Variants in RORA observed in about 807,000 individuals in gnomAD.
The protein encoded by RORA is RAR related orphan receptor A.
Under a neutral mutation model 69.5 loss-of-function variants are expected in RORA, and 7 were observed. The ratio of observed to expected loss-of-function variants is 0.10; its 90% CI spans 0.06 to 0.19. The LOEUF is 0.19. Ranked by LOEUF, RORA falls within the 10% of genes least tolerant of loss-of-function variation. The pLI is 1.00. For synonymous variants in RORA, 261 were observed against 240.8 expected (o/e 1.08, Z -0.78); for missense variants, 457 against 663.0 (o/e 0.69, Z 3.41).
chr15:60,675,313 T>C (rs2070536808), intron 2 of RORA, among the ~76,000 whole-genome samples: 2 of 152,194 alleles, frequency 1.3e-5, no homozygotes, highest in African/African-American at 4.8e-5. Flanking sequence ...CAAAGCAATC[T>C]TGAAGGGGTC....
intron 1 of RORA, among the ~76,000 whole-genome samples, chr15:60,914,937 T>G (rs1355154393): frequency 1.3e-5 from 2 of 152,148 alleles, no homozygotes; most frequent in African/African-American, 4.8e-5. Flanking sequence ...TATTGGGTAT[T>G]GGGCCAAATG....
intron 1 of RORA, among the ~76,000 whole-genome samples, chr15:60,769,810 C>T (rs1441853689): frequency 1.3e-5 from 2 of 152,264 alleles, no homozygotes; most frequent in East Asian, 1.9e-4. Flanking sequence ...CACCCATTGT[C>T]CCCCTCCAAT....
At chr15:61,034,238 CT>C (rs904189751) in intron 1 of RORA, among the ~76,000 whole-genome samples, 1 of 151,830 alleles carries the variant, frequency 6.6e-6, no homozygotes, top group African/African-American at 2.4e-5. Flanking sequence ...TGGACTGAAA[CT>C]AAGGGGGAAA....
intron 2 of RORA, chr15:60,592,969 G>A: frequency 2.2e-6 from 1 of 454,806 alleles, no homozygotes; most frequent in Non-Finnish European, 4.4e-6. Context: ...CTCGTTGGTG[G>A]AAAAGACAGG....
At chr15:60,711,721 A>G (rs1029494951) in intron 1 of RORA, among the ~76,000 whole-genome samples, 1 of 152,172 alleles carries the variant, frequency 6.6e-6, no homozygotes, top group African/African-American at 2.4e-5. Context: ...CTTCAGCTCA[A>G]GGGCTTAAGA....
At chr15:61,203,307 A>C (rs2079911617) in intron 1 of RORA, among the ~76,000 whole-genome samples, 1 of 152,222 alleles carries the variant, frequency 6.6e-6, no homozygotes, top group Admixed American at 6.5e-5. Context: ...GGAAGACAGA[A>C]AAGCATCTAG....
chr15:60,927,678 G>A (rs1349250639), intron 1 of RORA, among the ~76,000 whole-genome samples: 1 of 152,128 alleles, frequency 6.6e-6, no homozygotes, highest in African/African-American at 2.4e-5. Context: ...GAAGGCTGAG[G>A]CATGAGAATC....
intron 1 of RORA, among the ~76,000 whole-genome samples, chr15:61,198,336 A>G (rs910942426): frequency 1.1e-4 from 16 of 152,182 alleles, no homozygotes; most frequent in African/African-American, 3.9e-4. Flanking sequence ...ATTTAGATCT[A>G]GGAAGATAAC....
intron 1 of RORA, among the ~76,000 whole-genome samples, chr15:61,096,081 G>A (rs1181469176): frequency 6.6e-6 from 1 of 152,210 alleles, no homozygotes; most frequent in Admixed American, 6.5e-5. Flanking sequence ...GCTCTTCTTG[G>A]TGAATCCCAG....
At chr15:60,904,785 C>T (rs572652021) in intron 1 of RORA, among the ~76,000 whole-genome samples, 25 of 152,150 alleles carry the variant, frequency 1.6e-4, no homozygotes, top group African/African-American at 5.5e-4. Context: ...TAATGAACGA[C>T]GGAAGAAGGC....
chr15:60,850,161 C>G (rs1415974422), intron 1 of RORA, among the ~76,000 whole-genome samples: 2 of 152,168 alleles, frequency 1.3e-5, no homozygotes, highest in Admixed American at 1.3e-4. Flanking sequence ...AGACCTGAAT[C>G]CAGGCTGATG....
chr15:60,875,704 A>G (rs77962797), intron 1 of RORA, among the ~76,000 whole-genome samples: 3,674 of 152,290 alleles, frequency 0.024, 146 homozygotes, highest in African/African-American at 0.084. Context: ...AGTATGTCCA[A>G]CGGTGAGGAT....
intron 1 of RORA, among the ~76,000 whole-genome samples, chr15:60,906,879 A>G (rs1212300037): frequency 6.6e-6 from 1 of 152,208 alleles, no homozygotes; most frequent in Non-Finnish European, 1.5e-5. Context: ...TGAGCATTTG[A>G]GCTAAGAGCT....
intron 2 of RORA, among the ~76,000 whole-genome samples, chr15:60,657,382 G>A (rs1453259409): frequency 5.9e-5 from 9 of 152,060 alleles, no homozygotes; most frequent in African/African-American, 1.9e-4. Flanking sequence ...AACTGCCGAC[G>A]CAGAATCCAC....
At position 60,511,713 on chromosome 15, in the gene RORA, A is replaced by G. The variant is rs2065704748; in HGVS notation, c.425-92T>C. ...TTTGGGGTTTCCTTTGAAGTCTCAC[A>G]CAATCTCAATCCAAAACTGCATGAC... On this transcript the variant is annotated intron_variant, in intron 4 of 10. Coordinates refer to ENST00000335670, the MANE Select transcript of RORA (RefSeq NM_134261.3). The surrounding 1 kb of genome is among the most constrained non-coding windows in gnomAD (Gnocchi z 6.4). 1.5e-6 allele frequency: 2 copies of G among 1,360,940 alleles called. No individual in the cohort carries two copies. The highest frequency in any genetic ancestry group is 1.5e-5 in the South Asian group (1 of 66,832). The allele number at this position is 1,360,940 out of a possible 1,614,324, so 84.3% of individuals were successfully genotyped here.
chr15:60,882,716 G>C (rs1432548789), intron 1 of RORA, among the ~76,000 whole-genome samples: 2 of 151,782 alleles, frequency 1.3e-5, no homozygotes, highest in Non-Finnish European at 2.9e-5. Flanking sequence ...AGACGTAACT[G>C]GTGATTACTG....
chr15:60,831,988 C>A (rs1353176803), intron 1 of RORA, among the ~76,000 whole-genome samples: 1 of 152,194 alleles, frequency 6.6e-6, no homozygotes, highest in East Asian at 1.9e-4. Flanking sequence ...GTCTGCTGAG[C>A]TGCATTTACG....
At chr15:61,105,003 C>A (rs189649417) in intron 1 of RORA, among the ~76,000 whole-genome samples, 48 of 143,104 alleles carry the variant, frequency 3.4e-4, no homozygotes, top group Non-Finnish European at 5.2e-4. Flanking sequence ...GCGCCCCCCC[C>A]ACCGCCCAGC....
At chr15:61,074,849 G>C (rs2078425025) in intron 1 of RORA, among the ~76,000 whole-genome samples, 1 of 152,124 alleles carries the variant, frequency 6.6e-6, no homozygotes, top group African/African-American at 2.4e-5. Flanking sequence ...CAATTTGGGA[G>C]GCTGAGGCAG....
Sources: gnomAD v4.1 joint callset for allele counts (sites outside exome capture counted in the v4.1 genomes callset) on GRCh38, gnomAD v4.1.1 for gene constraint, Gnocchi (gnomAD v3.1) non-coding constraint, MANE v1.5 for transcripts, NCBI Gene and HGNC (gene_info 2026-07-23, HGNC 2026-07-21) for gene names.